AFF2: variants seen among roughly 807,000 people sequenced by gnomAD.
The protein encoded by AFF2 is ALF transcription elongation factor 2.
In AFF2, 14 loss-of-function variants were observed where a neutral mutation model predicts 76.9. The ratio of observed to expected loss-of-function variants is 0.18; its 90% CI spans 0.12 to 0.28. AFF2 has a LOEUF of 0.28. Ranked by LOEUF, AFF2 falls within the 10% of genes least tolerant of loss-of-function variation. AFF2 has a pLI of 1.00. For synonymous variants in AFF2, 398 were observed against 366.7 expected, an observed-to-expected ratio of 1.09 and a Z score of -0.98; for missense variants, 868 against 1,001.1, an observed-to-expected ratio of 0.87 and a Z score of 1.79.
At chrX:148,860,280 C>T (rs1407736945) in intron 7 of AFF2, among the ~76,000 whole-genome samples, 1 of 111,807 alleles carries the variant, frequency 8.9e-6, no homozygotes, top group Non-Finnish European at 1.9e-5. Context: ...TTAAATTTGT[C>T]TGGTTCACAG....
intron 1 of AFF2, among the ~76,000 whole-genome samples, chrX:148,567,885 C>G (rs1189269640): frequency 9.0e-6 from 1 of 111,329 alleles, no homozygotes; most frequent in Admixed American, 9.5e-5. Context: ...CTATAGAAAC[C>G]AGTAGTGATC....
chrX:148,718,731 G>C (rs1286877792), intron 3 of AFF2, among the ~76,000 whole-genome samples: 1 of 110,945 alleles, frequency 9.0e-6, no homozygotes, highest in Non-Finnish European at 1.9e-5. Flanking sequence ...TACACATGTG[G>C]AGTCTCTGAG....
chrX:148,984,567 A>G (rs1361276994), intron 19 of AFF2, among the ~76,000 whole-genome samples: 1 of 111,858 alleles, frequency 8.9e-6, no homozygotes, highest in East Asian at 2.8e-4. Context: ...TAGTGTGCAG[A>G]CATGTGCATC....
chrX:148,891,464 G>A (rs782183215), intron 8 of AFF2, among the ~76,000 whole-genome samples: 1 of 111,244 alleles, frequency 9.0e-6, no homozygotes, highest in African/African-American at 3.3e-5. Context: ...AGTCTCAAAG[G>A]TTTTTTTAAC....
At chrX:148,658,788 T>C (rs782765137) in intron 2 of AFF2, among the ~76,000 whole-genome samples, 1 of 112,615 alleles carries the variant, frequency 8.9e-6, no homozygotes, top group Admixed American at 9.4e-5. Context: ...TTCAATTTAA[T>C]GTTCAATCAT....
intron 3 of AFF2, among the ~76,000 whole-genome samples, chrX:148,802,720 A>T (rs781819437): frequency 9.0e-6 from 1 of 111,314 alleles, no homozygotes; most frequent in African/African-American, 3.3e-5. Context: ...ACTTTATAAG[A>T]TTTGTTACCT....
chrX:148,906,516 A>G (rs1557281449), intron 9 of AFF2, among the ~76,000 whole-genome samples: 2 of 112,122 alleles, frequency 1.8e-5, no homozygotes, highest in East Asian at 2.8e-4. Context: ...CCAATCAGGT[A>G]GTAAAGAGAG....
At chrX:148,516,603 C>G (rs2052537788) in intron 1 of AFF2, among the ~76,000 whole-genome samples, 1 of 111,784 alleles carries the variant, frequency 8.9e-6, no homozygotes, top group Admixed American at 9.5e-5. Context: ...CATACATAAA[C>G]TATTAATACT....
intron 1 of AFF2, among the ~76,000 whole-genome samples, chrX:148,600,084 G>A (rs1385603893): frequency 8.9e-6 from 1 of 112,192 alleles, no homozygotes; most frequent in Non-Finnish European, 1.9e-5. Context: ...TCAATTTTTG[G>A]TTTTTGTGTA....
In AFF2 at chrX:148,768,890, T is replaced by C. The variant is rs181263539; in HGVS notation, c.1042-40986T>C. On this transcript the variant is annotated intron_variant, in intron 3 of 20. Transcript: ENST00000370460. ...CTGGATGGTGGCAAGTTTGTGATGG[T>C]TCAAGATCAAGTTCAAGATTCAGAT... 1.7e-3 allele frequency among the ~76,000 whole-genome samples: 189 copies of C among 112,475 alleles called. 1 individual carries two copies. The highest frequency in any genetic ancestry group is 1.9e-3 in the Non-Finnish European group (102 of 53,305).
Position 148,991,236 on chromosome X carries a change from G to A in AFF2, c.3840G>A (p.Leu1280=). ...NKEFFGDLDT[L]MGPLTQHSSM... is the part of the protein sequence containing the mutation. ...AATTCTTTGGTGATCTGGACACGCT[G>A]ATGGGGCCTCTGACCCAGCACAGCA... Residue 1280 remains leucine (L), a synonymous_variant, in exon 21 of 21, where the codon CTG becomes CTA. Transcript: ENST00000370460. The A allele has an allele frequency of 1.7e-6, 2 of 1,207,943 alleles. No homozygotes were observed. The highest frequency in any genetic ancestry group is 2.2e-6 in the Non-Finnish European group (2 of 893,100).
At chrX:148,980,914 A>G (rs1569557954) in intron 19 of AFF2, 124 bp downstream of exon 19, 1 of 435,835 alleles carries the variant, frequency 2.3e-6, no homozygotes, top group East Asian at 4.4e-5. Flanking sequence ...TGTGCATACA[A>G]AATTCCAGCC....
chrX:148,789,779 G>T (rs782676420), intron 3 of AFF2, among the ~76,000 whole-genome samples: 19 of 111,639 alleles, frequency 1.7e-4, no homozygotes, highest in African/African-American at 4.6e-4. Context: ...CTTTCTCTTG[G>T]CATTGTTAAT....
chrX:148,806,396 C>T (rs1370063012), intron 3 of AFF2, among the ~76,000 whole-genome samples: 1 of 111,899 alleles, frequency 8.9e-6, no homozygotes, highest in South Asian at 3.8e-4. Flanking sequence ...CCATATGGAG[C>T]GAGGACTACG....
chrX:148,558,751 T>C (rs1257402324), intron 1 of AFF2, among the ~76,000 whole-genome samples: 3 of 111,930 alleles, frequency 2.7e-5, no homozygotes, highest in Non-Finnish European at 5.6e-5. Context: ...CTTACTCAGC[T>C]AAAGGGAACT....
intron 7 of AFF2, among the ~76,000 whole-genome samples, chrX:148,858,595 A>AT (rs1280198182): frequency 5.4e-5 from 6 of 111,265 alleles, no homozygotes; most frequent in Admixed American, 2.9e-4. Flanking sequence ...AAGCAAAAGT[A>AT]TTTTTTCTAA....
At chrX:148,545,156 C>A (rs2124274363) in intron 1 of AFF2, among the ~76,000 whole-genome samples, 1 of 111,788 alleles carries the variant, frequency 8.9e-6, no homozygotes, top group African/African-American at 3.3e-5. Context: ...CTACCCCCTT[C>A]ATTTCTGGTT....
At chrX:148,941,651 C>T (rs2071835886) in intron 9 of AFF2, among the ~76,000 whole-genome samples, 1 of 112,266 alleles carries the variant, frequency 8.9e-6, no homozygotes, top group Non-Finnish European at 1.9e-5. Flanking sequence ...CATCCAGATA[C>T]TTTGCATTTT....
At chrX:148,587,772 A>C (rs2053482974) in intron 1 of AFF2, among the ~76,000 whole-genome samples, 1 of 112,373 alleles carries the variant, frequency 8.9e-6, no homozygotes. Flanking sequence ...CCAACTGAGA[A>C]AGCATATTTA....
Sources: gnomAD v4.1 joint callset for allele counts (sites outside exome capture counted in the v4.1 genomes callset) on GRCh38, gnomAD v4.1.1 for gene constraint, MANE v1.5 for transcripts, NCBI Gene and HGNC (gene_info 2026-07-23, HGNC 2026-07-21) for gene names.